ANO3: variants seen among roughly 807,000 people sequenced by gnomAD.
ANO3 encodes the protein anoctamin-3.
In ANO3, 99 loss-of-function variants were observed where a neutral mutation model predicts 144.8. The observed-to-expected ratio is 0.68, with a 90% CI of 0.58 to 0.81. The LOEUF is 0.81. ANO3 is among the 30% of genes least tolerant of loss of function. ANO3 has a pLI of 0.00. For missense variants in ANO3, 905 were observed against 1,202.2 expected, an observed-to-expected ratio of 0.75 and a Z score of 3.66; for synonymous variants, 414 against 392.6, an observed-to-expected ratio of 1.05 and a Z score of -0.64.
At chr11:26,549,888 T>C (rs187424156) in intron 12 of ANO3, among the ~76,000 whole-genome samples, 41 of 152,052 alleles carry the variant, frequency 2.7e-4, no homozygotes, top group African/African-American at 9.6e-4. Flanking sequence ...GTTCTCAATA[T>C]TGACCAGATT....
chr11:26,562,109 A>G (rs1850317703), intron 14 of ANO3, among the ~76,000 whole-genome samples: 1 of 151,956 alleles, frequency 6.6e-6, no homozygotes, highest in Non-Finnish European at 1.5e-5. Context: ...TTTTTGATAG[A>G]TTGAGTTTTT....
intron 4 of ANO3, among the ~76,000 whole-genome samples, chr11:26,477,651 T>C (rs959732596): frequency 3.3e-5 from 5 of 152,126 alleles, no homozygotes; most frequent in Non-Finnish European, 7.4e-5. Flanking sequence ...TACCTTTGCA[T>C]TGTGCATAGA....
intron 1 of ANO3, among the ~76,000 whole-genome samples, chr11:26,248,859 G>A (rs529865598): frequency 7.2e-5 from 11 of 152,172 alleles, no homozygotes; most frequent in Non-Finnish European, 1.6e-4. Flanking sequence ...CTGACCACCT[G>A]AGCTCTGCCT....
In ANO3 at chr11:26,500,182, G is replaced by A. The variant is rs1013332627; in HGVS notation, c.433-7922G>A. On this transcript the variant is annotated intron_variant, in intron 4 of 26. Coordinates refer to ENST00000256737, the MANE Select transcript of ANO3 (RefSeq NM_031418.4). ...CAAATATTTTATTGGATAGATATAT[G>A]TGCCACATTATTTATGTATTAAGCT... is the stretch of plus-strand genomic sequence containing the variant. Among the ~76,000 whole-genome samples the A allele has an allele frequency of 3.9e-5, 6 of 152,000 alleles. No homozygotes were observed. The East Asian group carries it at 1.2e-3, about 29-fold the overall frequency.
intron 1 of ANO3, among the ~76,000 whole-genome samples, chr11:26,425,752 G>A (rs989456229): frequency 2.0e-5 from 3 of 152,062 alleles, no homozygotes; most frequent in Non-Finnish European, 2.9e-5. Context: ...TAGGGAGGGT[G>A]GTGGAAGTAA....
chr11:26,406,720 TG>T (rs1565006579), intron 1 of ANO3, among the ~76,000 whole-genome samples: 5 of 138,072 alleles, frequency 3.6e-5, no homozygotes, highest in Non-Finnish European at 6.3e-5. Context: ...TGTGTGTGTG[TG>T]TGTGGATTGG....
rs970764699 is a variant in ANO3, at chr11:26,462,128, A to T, written c.314-902A>T. On this transcript the variant is annotated intron_variant, in intron 3 of 26. Transcript: ENST00000256737. ...AAGGAATGGATATACTATAAACAAA[A>T]TTGTTTTTCCTCTGTACAATAAGTT... Among the ~76,000 whole-genome samples the T allele has an allele frequency of 2.0e-5, 3 of 151,992 alleles. No homozygotes were observed. The South Asian group carries it at 6.2e-4, about 31-fold the overall frequency.
chr11:26,570,909 CAACT>C (rs1459473656), intron 14 of ANO3, among the ~76,000 whole-genome samples: 1 of 151,744 alleles, frequency 6.6e-6, no homozygotes, highest in Non-Finnish European at 1.5e-5. Context: ...GAAGCGTAAC[CAACT>C]AGAAAAAGGA....
chr11:26,626,292 T>C (rs1272447972), intron 18 of ANO3, among the ~76,000 whole-genome samples: 1 of 152,130 alleles, frequency 6.6e-6, no homozygotes, highest in African/African-American at 2.4e-5. Flanking sequence ...ATGGAGTTAG[T>C]AATGCAAGAG....
At chr11:26,436,956 C>G (rs540815249) in intron 1 of ANO3, among the ~76,000 whole-genome samples, 12 of 152,208 alleles carry the variant, frequency 7.9e-5, no homozygotes, top group Middle Eastern at 3.4e-3. Context: ...GCTTCAGTCC[C>G]TAATCACCTT....
intron 1 of ANO3, among the ~76,000 whole-genome samples, chr11:26,372,093 T>C (rs1856276783): frequency 6.6e-6 from 1 of 152,176 alleles, no homozygotes; most frequent in African/African-American, 2.4e-5. Context: ...GTAGTTCCTA[T>C]AATCCCCACA....
At chr11:26,484,422 G>A (rs1333221501) in intron 4 of ANO3, among the ~76,000 whole-genome samples, 1 of 152,212 alleles carries the variant, frequency 6.6e-6, no homozygotes, top group African/African-American at 2.4e-5. Context: ...GCAGGTGGAA[G>A]CCACAAGTCA....
chr11:26,254,076 G>T (rs528311444), intron 1 of ANO3, among the ~76,000 whole-genome samples: 1 of 152,270 alleles, frequency 6.6e-6, no homozygotes, highest in South Asian at 2.1e-4. Context: ...TTTACAATAT[G>T]AATTCAGCCA....
chr11:26,639,719 A>G (rs905849251), intron 21 of ANO3, among the ~76,000 whole-genome samples: 4 of 152,184 alleles, frequency 2.6e-5, no homozygotes, highest in Non-Finnish European at 5.9e-5. Flanking sequence ...AAAATGTTAG[A>G]ACAGGGATGA....
intron 5 of ANO3, among the ~76,000 whole-genome samples, chr11:26,513,757 A>G (rs1029077962): frequency 6.6e-6 from 1 of 152,142 alleles, no homozygotes; most frequent in Admixed American, 6.6e-5. Flanking sequence ...GAAGAATACA[A>G]ATGATCAGTG....
chr11:26,584,401 C>T (rs547701176), intron 14 of ANO3, among the ~76,000 whole-genome samples: 16 of 152,056 alleles, frequency 1.1e-4, no homozygotes, highest in Non-Finnish European at 1.0e-4. Flanking sequence ...TCTGGTGATC[C>T]GCCCACCTCA....
intron 14 of ANO3, among the ~76,000 whole-genome samples, chr11:26,569,538 C>T (rs1254578068): frequency 1.3e-5 from 2 of 152,012 alleles, no homozygotes; most frequent in Non-Finnish European, 2.9e-5. Flanking sequence ...TTATTCAGAA[C>T]CCCACCATGA....
At chr11:26,534,737 A>G (rs978314172) in intron 9 of ANO3, among the ~76,000 whole-genome samples, 175 bp downstream of exon 9, 1 of 152,182 alleles carries the variant, frequency 6.6e-6, no homozygotes, top group Non-Finnish European at 1.5e-5. Context: ...AACAAAAAAA[A>G]CTTTTTTGAG....
chr11:26,396,996 A>AAAAAC, intron 1 of ANO3, among the ~76,000 whole-genome samples: 1 of 125,168 alleles, frequency 8.0e-6, no homozygotes, highest in Non-Finnish European at 1.8e-5. Context: ...TCTCACAGAA[A>AAAAAC]AAAAACAAAA....
Sources: allele counts gnomAD v4.1 joint callset (sites outside exome capture counted in the v4.1 genomes callset), GRCh38; gene constraint gnomAD v4.1.1; transcripts MANE v1.5; gene names NCBI Gene and HGNC (gene_info 2026-07-23, HGNC 2026-07-21).